Variants in IGF2BP2 observed in about 807,000 individuals in gnomAD.
The protein encoded by IGF2BP2 is insulin like growth factor 2 mRNA binding protein 2.
IGF2BP2 carries 17 observed loss-of-function variants against 75.8 expected under a neutral mutation model. The observed-to-expected ratio is 0.22, with a 90% CI of 0.15 to 0.34. IGF2BP2 has a LOEUF of 0.34. Among genes scored for constraint, IGF2BP2 ranks in the 10% least tolerant of loss-of-function variants. The probability of loss-of-function intolerance (pLI) is 1.00; values close to 1 mark genes in which losing one functional copy is unlikely to be tolerated. For synonymous variants in IGF2BP2, 288 were observed against 295.6 expected (o/e 0.97, Z 0.26); for missense variants, 516 against 772.4 (o/e 0.67, Z 3.93).
At chr3:185,763,901 G>A (rs145886295) in intron 2 of IGF2BP2, among the ~76,000 whole-genome samples, 1 of 152,274 alleles carries the variant, frequency 6.6e-6, no homozygotes, top group African/African-American at 2.4e-5. Context: ...GGGTGGAGAA[G>A]GGGCATGAGC....
chr3:185,822,700 T>C (rs1044194966), intron 2 of IGF2BP2, among the ~76,000 whole-genome samples: 1 of 152,228 alleles, frequency 6.6e-6, no homozygotes, highest in African/African-American at 2.4e-5. Context: ...TGAATTATTT[T>C]ACTATTCAAC....
At chr3:185,779,366 C>T (rs1264081746) in intron 2 of IGF2BP2, among the ~76,000 whole-genome samples, 1 of 152,136 alleles carries the variant, frequency 6.6e-6, no homozygotes, top group Non-Finnish European at 1.5e-5. Context: ...CACCCTTCAC[C>T]CAGTTTCAAT....
chr3:185,801,972 G>A (rs779214930), intron 2 of IGF2BP2, among the ~76,000 whole-genome samples: 4 of 151,816 alleles, frequency 2.6e-5, no homozygotes, highest in Non-Finnish European at 4.4e-5. Flanking sequence ...ATGAGAACAC[G>A]TGGACACAGG....
chr3:185,663,641 G>A (rs1716832272), intron 10 of IGF2BP2, among the ~76,000 whole-genome samples: 1 of 152,136 alleles, frequency 6.6e-6, no homozygotes, highest in Admixed American at 6.5e-5. Context: ...AGGAGTGAAG[G>A]GTGGGAAAGG....
Position 185,774,594 on chromosome 3 carries a change from CA to C in IGF2BP2, c.239+48558del, listed in dbSNP as rs10688098. On this transcript the variant is annotated intron_variant, in intron 2 of 15. Transcript: ENST00000382199. ...TGGGCAACAGAGCGAGACTCTGTCT[CA>C]AAAAAAAAAAAAGAAAAGAAAAGAA... Among the ~76,000 whole-genome samples, 614 of 128,944 alleles carry C rather than the reference CA, an allele frequency of 4.8e-3. 17 individuals are homozygous for C. The highest frequency in any genetic ancestry group is 0.036 in the Admixed American group (463 of 12,690). 84.6% of individuals were successfully genotyped at this position (128,944 alleles called of 152,430 possible). A position where few individuals can be genotyped will look rare whatever the true frequency, so the allele number is the denominator to read the frequency against.
intron 2 of IGF2BP2, among the ~76,000 whole-genome samples, chr3:185,802,154 C>A (rs183354398): frequency 2.0e-5 from 3 of 151,838 alleles, no homozygotes; most frequent in Non-Finnish European, 2.9e-5. Flanking sequence ...ATGTTCTGCA[C>A]ATGTATCCCA....
At chr3:185,679,925 A>T (rs923193312) in intron 7 of IGF2BP2, among the ~76,000 whole-genome samples, 1 of 152,150 alleles carries the variant, frequency 6.6e-6, no homozygotes, top group African/African-American at 2.4e-5. Flanking sequence ...CCATCCTTTT[A>T]TTTCAACTTG....
intron 7 of IGF2BP2, 123 bp from the exon 8 acceptor site, chr3:185,676,036 G>A: frequency 1.6e-6 from 2 of 1,284,290 alleles, no homozygotes; most frequent in Non-Finnish European, 1.1e-6. Flanking sequence ...GTGATGATGG[G>A]ATTTGGGAGA....
At chr3:185,685,893 C>T (rs1307222101) in intron 7 of IGF2BP2, among the ~76,000 whole-genome samples, 1 of 152,204 alleles carries the variant, frequency 6.6e-6, no homozygotes, top group Non-Finnish European at 1.5e-5. Flanking sequence ...ATCTTCCTAC[C>T]TTGGCCTCCC....
At chr3:185,758,632 T>A (rs771634654) in intron 2 of IGF2BP2, among the ~76,000 whole-genome samples, 1 of 152,210 alleles carries the variant, frequency 6.6e-6, no homozygotes, top group Admixed American at 6.5e-5. Context: ...CACTGCTGCA[T>A]ATCCAGCAAG....
At position 185,649,549 on chromosome 3, in the gene IGF2BP2, C is replaced by A; in HGVS notation, c.1462-15G>T. 1 of 1,613,762 alleles carries A rather than the reference C, an allele frequency of 6.2e-7. No individual in the cohort carries two copies. The highest frequency in any genetic ancestry group is 1.1e-5 in the South Asian group (1 of 90,990). On this transcript the variant is annotated splice_polypyrimidine_tract_variant and intron_variant, in intron 13 of 15. Transcript: ENST00000382199. ...CGTCCCTGGGCCTGAGAGAGCAAGACATGACTAATGACTCTCAGTCAGCCA... is the reference window on the plus strand; with the variant it reads ...CGTCCCTGGGCCTGAGAGAGCAAGAAATGACTAATGACTCTCAGTCAGCCA...
chr3:185,758,144 G>A (rs923011986), intron 2 of IGF2BP2, among the ~76,000 whole-genome samples: 2 of 152,170 alleles, frequency 1.3e-5, no homozygotes, highest in Non-Finnish European at 2.9e-5. Context: ...GATGATATAG[G>A]CAGTCTCTGC....
intron 2 of IGF2BP2, among the ~76,000 whole-genome samples, chr3:185,747,473 C>A (rs1043199874): frequency 6.6e-6 from 1 of 152,036 alleles, no homozygotes; most frequent in African/African-American, 2.4e-5. Flanking sequence ...GAGGTCAGAA[C>A]TTCGAGACAA....
chr3:185,738,920 A>G (rs1447174534), intron 2 of IGF2BP2, among the ~76,000 whole-genome samples: 1 of 152,248 alleles, frequency 6.6e-6, no homozygotes, highest in Non-Finnish European at 1.5e-5. Context: ...AATATCTATA[A>G]GTTAAGATGA....
chr3:185,763,048 T>TTTTTG (rs1732590767), intron 2 of IGF2BP2, among the ~76,000 whole-genome samples: 1 of 152,242 alleles, frequency 6.6e-6, no homozygotes, highest in African/African-American at 2.4e-5. Context: ...TATAGATGTT[T>TTTTTG]TTTTGTTTTG....
At chr3:185,810,890 G>C (rs1402347011) in intron 2 of IGF2BP2, among the ~76,000 whole-genome samples, 1 of 152,126 alleles carries the variant, frequency 6.6e-6, no homozygotes, top group African/African-American at 2.4e-5. Flanking sequence ...CTTAGAAAGT[G>C]GCTTAAAACA....
intron 2 of IGF2BP2, among the ~76,000 whole-genome samples, chr3:185,789,066 G>A (rs1235039740): frequency 6.6e-6 from 1 of 152,036 alleles, no homozygotes; most frequent in East Asian, 1.9e-4. Flanking sequence ...CTGGAGTGAA[G>A]TGTCTATTCA....
At chr3:185,770,148 C>T (rs908256171) in intron 2 of IGF2BP2, among the ~76,000 whole-genome samples, 7 of 152,252 alleles carry the variant, frequency 4.6e-5, no homozygotes, top group Non-Finnish European at 7.4e-5. Context: ...CTCTCTTAGG[C>T]TCCTATGTCA....
rs574130338 is a variant in IGF2BP2, at chr3:185,645,303, G to C, written c.*228C>G. The C allele has an allele frequency of 3.6e-6, 2 of 552,688 alleles. No individual in the cohort carries two copies. Among genetic ancestry groups the C allele is most frequent in the Non-Finnish European group, 6.5e-6 (2 of 309,510 alleles). The allele number at this position is 552,688 out of a possible 1,614,324, so 34.2% of individuals were successfully genotyped here. On this transcript the variant is annotated 3_prime_UTR_variant, in exon 16 of 16. Transcript: ENST00000382199. This position sits in a 1 kb window ranked among gnomAD's most constrained non-coding sequence, Gnocchi z 4.9. ...GAAGCCTGCAGAAGCCCTGGGGGGCGGGAGGCGGGGCTCGGTGGTTCTGGC... is the reference window on the plus strand; with the variant it reads ...GAAGCCTGCAGAAGCCCTGGGGGGCCGGAGGCGGGGCTCGGTGGTTCTGGC...
Sources: gnomAD v4.1 joint callset for allele counts (sites outside exome capture counted in the v4.1 genomes callset) on GRCh38, gnomAD v4.1.1 for gene constraint, Gnocchi (gnomAD v3.1) non-coding constraint, MANE v1.5 for transcripts, NCBI Gene and HGNC (gene_info 2026-07-23, HGNC 2026-07-21) for gene names.